The following HAVCR1 variants were observed in gnomAD, a reference collection of about 807,000 sequenced individuals.
HAVCR1 encodes T cell immunoglobin domain and mucin domain protein 1.
In HAVCR1, 34 loss-of-function variants were observed where a neutral mutation model predicts 32.0. The observed-to-expected ratio is 1.06, with a 90% confidence interval of 0.81 to 1.42. The LOEUF (loss-of-function observed/expected upper bound fraction) is 1.42, where lower values mean the gene tolerates loss of function less well. HAVCR1 is among the 40% of genes most tolerant of loss of function. The pLI, the probability that HAVCR1 is intolerant of heterozygous loss-of-function variation, is 0.00. For missense variants in HAVCR1, 420 were observed against 442.3 expected (o/e 0.95, Z 0.45); for synonymous variants, 178 against 170.3 (o/e 1.05, Z -0.35).
chr5:157,044,468 A>AAAGAAAGAAAGAAAGAAAGG (rs1491433468), intron 5 of HAVCR1, among the ~76,000 whole-genome samples: 1 of 62,972 alleles, frequency 1.6e-5, no homozygotes, highest in Non-Finnish European at 2.8e-5. Context: ...AGAAAGAAAG[A>AAAGAAAGAAAGAAAGAAAGG]AAGGAAGGAA....
At chr5:157,048,985 T>C in intron 5 of HAVCR1, 53 bp downstream of exon 5, 2 of 1,035,104 alleles carry the variant, frequency 1.9e-6, no homozygotes, top group South Asian at 1.3e-5. Context: ...ACAAAGTCAA[T>C]GGTTATCAAG....
At chr5:157,059,957 T>G (rs1378720630), upstream of HAVCR1, among the ~76,000 whole-genome samples, 1 of 151,756 alleles carries the variant, frequency 6.6e-6, no homozygotes, top group Non-Finnish European at 1.5e-5. Flanking sequence ...CCAGCCGGGG[T>G]GACAGAGCAA....
At chr5:157,035,902 T>C (rs1754498865) in intron 7 of HAVCR1, among the ~76,000 whole-genome samples, 1 of 152,170 alleles carries the variant, frequency 6.6e-6, no homozygotes, top group Non-Finnish European at 1.5e-5. Flanking sequence ...TTCTAAGTAA[T>C]CTAGGGAAGA....
the HAVCR1 span, among the ~76,000 whole-genome samples, chr5:157,064,738 G>A: frequency 6.6e-6 from 1 of 152,100 alleles, no homozygotes; most frequent in African/African-American, 2.4e-5. Flanking sequence ...CATGGTCGTG[G>A]GTGCCTGTAA....
In HAVCR1 at chr5:157,052,504, G is replaced by T; in HGVS notation, c.530C>A (p.Thr177Asn). The change falls in exon 4 of 9, where the codon ACT becomes AAT. Residue 177 changes from threonine to asparagine, a missense_variant. By Grantham distance (65) the Thr-to-Asn change is moderately conservative. Coordinates refer to ENST00000523175, the MANE Select transcript of HAVCR1 (RefSeq NM_001173393.3). ...TGAAACAGTCATTGTCGTCAGAACA[G>T]TCGTTGTCGTTGGAATGCTCATTGT... ...PTTMSIPTTT[T>N]VLTTMTVSTT... The T allele has an allele frequency of 1.2e-6, 2 of 1,600,540 alleles. No homozygotes were observed. Among genetic ancestry groups the T allele is most frequent in the Non-Finnish European group, 1.7e-6 (2 of 1,171,430 alleles).
intron 7 of HAVCR1, among the ~76,000 whole-genome samples, chr5:157,036,067 G>A (rs750761993): frequency 1.3e-5 from 2 of 152,170 alleles, no homozygotes; most frequent in Non-Finnish European, 2.9e-5. Flanking sequence ...TCTTGGCCTG[G>A]CATTGTGGCT....
chr5:157,063,212 G>A (rs1205690016), upstream of HAVCR1, among the ~76,000 whole-genome samples: 3 of 146,028 alleles, frequency 2.1e-5, no homozygotes, highest in East Asian at 2.0e-4. Context: ...GATGATCTGC[G>A]ATATGTTAGA....
intron 4 of HAVCR1, among the ~76,000 whole-genome samples, chr5:157,050,958 C>T (rs1348686203): frequency 2.6e-5 from 4 of 152,112 alleles, no homozygotes; most frequent in South Asian, 2.1e-4. Context: ...TAAGAGGCTG[C>T]GACATTTGTT....
intron 3 of HAVCR1, among the ~76,000 whole-genome samples, chr5:157,054,560 T>C (rs1169978697): frequency 6.6e-6 from 1 of 152,158 alleles, no homozygotes; most frequent in Admixed American, 6.6e-5. Context: ...TAAATTCAGC[T>C]TGATAAAAAT....
chr5:157,030,514 G>A (rs1395903314), intron 8 of HAVCR1, among the ~76,000 whole-genome samples: 2 of 152,110 alleles, frequency 1.3e-5, no homozygotes, highest in African/African-American at 4.8e-5. Flanking sequence ...TTAGCCAGGT[G>A]TGGTGGCTTG....
chr5:157,058,059 G>T, intron 1 of HAVCR1, 104 bp from the exon 2 acceptor site: 1 of 796,354 alleles, frequency 1.3e-6, no homozygotes, highest in Non-Finnish European at 2.2e-6. Context: ...CCAGTTGGTT[G>T]ATTCATATGA....
intron 5 of HAVCR1, among the ~76,000 whole-genome samples, 160 bp from the exon 6 acceptor site, chr5:157,042,842 T>G (rs922597166): frequency 6.6e-6 from 1 of 152,254 alleles, no homozygotes; most frequent in Non-Finnish European, 1.5e-5. Flanking sequence ...TTATTAATGT[T>G]ATATTAATTT....
chr5:157,037,368 A>C lies in HAVCR1; in HGVS notation c.838-7T>G. 1 of 1,178,268 alleles carries C rather than the reference A, an allele frequency of 8.5e-7. No homozygotes were observed. The highest frequency in any genetic ancestry group is 1.3e-6 in the Non-Finnish European group (1 of 791,434). 73.0% of individuals were successfully genotyped at this position (1,178,268 alleles called of 1,614,324 possible). On this transcript the variant is annotated splice_polypyrimidine_tract_variant and splice_region_variant and intron_variant, in intron 6 of 8. Coordinates refer to ENST00000523175, the MANE Select transcript of HAVCR1 (RefSeq NM_001173393.3). ...TATGTTCTAGGAACAGTTGCTGAGGAAACAACAACAGATCAAAAAAGCATC... is the reference window on the plus strand; with the variant it reads ...TATGTTCTAGGAACAGTTGCTGAGGCAACAACAACAGATCAAAAAAGCATC...
rs767438942 is a variant in HAVCR1 at position 157,055,492 on chromosome 5, G to T, written c.88C>A (p.Pro30Thr). ...TAGTGGCAGGGTAGTGTGACAGATGGACCTGCCTCTCCACCAACCTTTACA... is the reference window on the plus strand; with the variant it reads ...TAGTGGCAGGGTAGTGTGACAGATGTACCTGCCTCTCCACCAACCTTTACA... ...GSVKVGGEAG[P>T]SVTLPCHYSG... is the part of the protein sequence containing the mutation. The change falls in exon 3 of 9, where the codon CCA becomes ACA. Residue 30 changes from proline to threonine, a missense_variant. Coordinates refer to ENST00000523175, the MANE Select transcript of HAVCR1 (RefSeq NM_001173393.3). The T allele has an allele frequency of 6.3e-7, 1 of 1,599,598 alleles. No individual in the cohort carries two copies. Among genetic ancestry groups the T allele is most frequent in the Admixed American group, 1.7e-5 (1 of 58,636 alleles).
At chr5:157,050,358 T>G (rs1169326094) in intron 4 of HAVCR1, among the ~76,000 whole-genome samples, 1 of 152,196 alleles carries the variant, frequency 6.6e-6, no homozygotes, top group Non-Finnish European at 1.5e-5. Context: ...TTTTCTCCAC[T>G]GCTCCTACAA....
At position 157,052,512 on chromosome 5, in the gene HAVCR1, C is replaced by A; in HGVS notation, c.522G>T (p.Thr174=). Residue 174 remains threonine (T), a synonymous_variant, in exon 4 of 9, where the codon ACG becomes ACT. Transcript: ENST00000523175. ...TCATTGTCGTCAGAACAGTCGTTGT[C>A]GTTGGAATGCTCATTGTTGTTGGAA... ...TTVPTTMSIP[T]TTTVLTTMTV... The A allele has an allele frequency of 1.2e-6, 2 of 1,600,400 alleles. No homozygotes were observed. The highest frequency in any genetic ancestry group is 1.7e-6 in the Non-Finnish European group (2 of 1,171,520).
chr5:157,052,440 T>C lies in HAVCR1; in HGVS notation c.594A>G (p.Thr198=), dbSNP rs1561599081. Residue 198 remains threonine (T), a synonymous_variant, in exon 4 of 9, where the codon ACA becomes ACG. Transcript: ENST00000523175. ...TTGTTGTCACTGGAACACTTGTTGT[T>C]GTTGGAATGCTCGTTGTCGTTGGAA... ...TSVPTTTSIP[T]TTSVPVTTTV... is the part of the protein sequence containing the mutation. The C allele has an allele frequency of 6.2e-7, 1 of 1,613,554 alleles. No individual in the cohort carries two copies. The highest frequency in any genetic ancestry group is 1.7e-5 in the Admixed American group (1 of 59,998).
At chr5:157,043,014 G>C (rs1230562440) in intron 5 of HAVCR1, among the ~76,000 whole-genome samples, 1 of 152,192 alleles carries the variant, frequency 6.6e-6, no homozygotes, top group Non-Finnish European at 1.5e-5. Flanking sequence ...GGTTAAGAAT[G>C]CCATTTAAAG....
At position 157,030,491 on chromosome 5, in the gene HAVCR1, A is replaced by AT. The variant is rs964263376; in HGVS notation, c.987-651dup. ...ACATAGCGAGACCCCGTCTCTACAG[A>AT]TTTTTTTTTTAATTAGCCAGGTGTG... On this transcript the variant is annotated intron_variant, in intron 8 of 8. Coordinates refer to ENST00000523175, the MANE Select transcript of HAVCR1 (RefSeq NM_001173393.3). Among the ~76,000 whole-genome samples, 34 of 150,588 alleles carry AT rather than the reference A, an allele frequency of 2.3e-4. 1 individual carries two copies. The highest frequency in any genetic ancestry group is 4.1e-4 in the Non-Finnish European group (28 of 67,536).
Sources: allele counts gnomAD v4.1 joint callset (sites outside exome capture counted in the v4.1 genomes callset), GRCh38; gene constraint gnomAD v4.1.1; transcripts MANE v1.5; gene names NCBI Gene and HGNC (gene_info 2026-07-23, HGNC 2026-07-21).